RTTN: variants seen among roughly 807,000 people sequenced by gnomAD.
RTTN encodes rotatin.
In RTTN, 182 loss-of-function variants were observed where a neutral mutation model predicts 269.2. The observed-to-expected ratio is 0.68, with a 90% CI of 0.60 to 0.76. The LOEUF (loss-of-function observed/expected upper bound fraction) is 0.76, where lower values mean the gene tolerates loss of function less well. RTTN is among the 30% of genes least tolerant of loss of function. RTTN has a pLI of 0.00. For synonymous variants in RTTN, 1,006 were observed against 963.5 expected (o/e 1.04, Z -0.82); for missense variants, 2,545 against 2,608.6 (o/e 0.98, Z 0.53).
chr18:70,202,595 C>T (rs2061979939), intron 3 of RTTN, among the ~76,000 whole-genome samples: 1 of 152,198 alleles, frequency 6.6e-6, no homozygotes, highest in Admixed American at 6.5e-5. Context: ...ATTAAAAATT[C>T]ACAGTGTAAG....
intron 10 of RTTN, among the ~76,000 whole-genome samples, chr18:70,178,009 A>G (rs1390655870): frequency 6.6e-6 from 1 of 152,258 alleles, no homozygotes; most frequent in Non-Finnish European, 1.5e-5. Flanking sequence ...CACTATTCAC[A>G]ACAGCCAAAA....
At chr18:70,033,081 C>T (rs1254629591) in intron 40 of RTTN, among the ~76,000 whole-genome samples, 1 of 152,168 alleles carries the variant, frequency 6.6e-6, no homozygotes, top group Non-Finnish European at 1.5e-5. Flanking sequence ...TAGCACCGTC[C>T]CTTTGGTTCT....
At chr18:70,095,063 G>GT (rs138632105) in intron 28 of RTTN, among the ~76,000 whole-genome samples, 119,247 of 144,490 alleles carry the variant, frequency 0.83, 51,996 homozygotes, top group East Asian at 1. Context: ...GTAATGCCTT[G>GT]TTTTTTTTTT....
Position 70,030,775 on chromosome 18 carries a change from CG to C in RTTN, c.5647+100del, listed in dbSNP as rs148044924. On this transcript the variant is annotated intron_variant, in intron 41 of 48. Transcript: ENST00000640769. ...TTAGTGACACTGAGATTATACTATA[CG>C]TTTTTTACATTTTGAGTCCAAAGAA... 0.012 allele frequency: 10,077 copies of C among 834,512 alleles called. 85 individuals are homozygous for C. The highest frequency in any genetic ancestry group is 0.016 in the Non-Finnish European group (8,515 of 534,482). 51.7% of individuals were successfully genotyped at this position (834,512 alleles called of 1,614,324 possible). A position where few individuals can be genotyped will look rare whatever the true frequency, so the allele number is the denominator to read the frequency against.
chr18:70,022,926 CA>C lies in RTTN; in HGVS notation c.5950+1795del, dbSNP rs552665017. Among the ~76,000 whole-genome samples, 331 of 152,228 alleles carry C rather than the reference CA, an allele frequency of 2.2e-3. 3 individuals carry two copies. The highest frequency in any genetic ancestry group is 1.5e-3 in the East Asian group (8 of 5,178). On this transcript the variant is annotated intron_variant, in intron 44 of 48. Coordinates refer to ENST00000640769, the MANE Select transcript of RTTN (RefSeq NM_173630.4). ...TCTACACATTCTCCCTGGGTAATCG[CA>C]AACAGCCACGTGGCTTTAAGTACAA...
In RTTN at chr18:70,111,403, G is replaced by A. The variant is rs964257126; in HGVS notation, c.3684-1686C>T. On this transcript the variant is annotated intron_variant, in intron 27 of 48. Coordinates refer to ENST00000640769, the MANE Select transcript of RTTN (RefSeq NM_173630.4). ...TTGCTGTTCTGCAGCCTCCGCTGGC[G>A]ATACCTAGGCAAACAGGGTCGAGAG... is the stretch of plus-strand genomic sequence containing the variant. 2.0e-5 allele frequency among the ~76,000 whole-genome samples: 3 copies of A among 152,126 alleles called. No homozygotes were observed. The East Asian group carries it at 5.8e-4, about 29-fold the overall frequency.
In RTTN at chr18:70,131,853, G is replaced by A. The variant is rs949305458; in HGVS notation, c.2954+2620C>T. The stretch of plus-strand genomic sequence containing the variant: ...TAATAATCTGTATCCAAAAATATTA[G>A]TAATTATAGTAAATGTAAAATGCAT... On this transcript the variant is annotated intron_variant, in intron 23 of 48. Coordinates refer to ENST00000640769, the MANE Select transcript of RTTN (RefSeq NM_173630.4). The A allele has an allele frequency of 2.0e-5, 3 of 151,422 alleles. No individual in the cohort carries two copies. In the South Asian group the frequency reaches 6.2e-4, roughly 31 times the overall value. The allele number at this position is 151,422 out of a possible 1,614,324, so 9.4% of individuals were successfully genotyped here.
At chr18:70,038,338 G>A (rs1046741107) in intron 40 of RTTN, among the ~76,000 whole-genome samples, 1 of 152,188 alleles carries the variant, frequency 6.6e-6, no homozygotes, top group Non-Finnish European at 1.5e-5. Flanking sequence ...GACTAATCCA[G>A]TGCAGTTCCA....
At chr18:70,116,622 A>C (rs2059607977) in intron 26 of RTTN, among the ~76,000 whole-genome samples, 1 of 152,106 alleles carries the variant, frequency 6.6e-6, no homozygotes, top group Admixed American at 6.6e-5. Context: ...ATTCAATCCT[A>C]ATTTTAAACC....
At position 70,196,474 on chromosome 18, in the gene RTTN, G is replaced by A. The variant is rs750419205; in HGVS notation, c.841+27C>T. On this transcript the variant is annotated intron_variant, in intron 7 of 48. Transcript: ENST00000640769. ...AGAAGAATCTACAAATAACACCAGT[G>A]GCTAATGAACAGATAAAAATAAATA... 8 of 1,584,324 alleles carry A rather than the reference G, an allele frequency of 5.0e-6. No homozygotes were observed. In the Admixed American group the frequency reaches 7.3e-5, roughly 14 times the overall value.
intron 32 of RTTN, among the ~76,000 whole-genome samples, chr18:70,076,986 C>A (rs1242839638): frequency 6.6e-6 from 1 of 151,814 alleles, no homozygotes; most frequent in African/African-American, 2.4e-5. Context: ...ACGTACAAAA[C>A]ACGCCAAACA....
Position 70,137,481 on chromosome 18 carries a change from C to G in RTTN, c.2788+2118G>C, listed in dbSNP as rs140235055. 3.9e-3 allele frequency among the ~76,000 whole-genome samples: 591 copies of G among 152,224 alleles called. 4 individuals are homozygous for G. Among genetic ancestry groups the G allele is most frequent in the Non-Finnish European group, 6.4e-3 (432 of 67,998 alleles). ...AAATAATCTTCCTAAAACACATACT[C>G]CCCTGTTTAACAACCTTAAACAGCT... On this transcript the variant is annotated intron_variant, in intron 21 of 48. Coordinates refer to ENST00000640769, the MANE Select transcript of RTTN (RefSeq NM_173630.4).
chr18:70,153,243 T>C (rs1192476118), intron 14 of RTTN, among the ~76,000 whole-genome samples: 1 of 151,926 alleles, frequency 6.6e-6, no homozygotes, highest in African/African-American at 2.4e-5. Flanking sequence ...AAACTATATA[T>C]ATATATACAT....
Position 70,204,220 on chromosome 18 carries a change from T to A in RTTN, c.263A>T (p.Glu88Val). 1 of 1,613,606 alleles carries A rather than the reference T, an allele frequency of 6.2e-7. No homozygotes were observed. Among genetic ancestry groups the A allele is most frequent in the Non-Finnish European group, 8.5e-7 (1 of 1,179,906 alleles). ...ATTAGACCGAAGCTTAGATAAGAAC[T>A]CTACTGCACCAACGTCAACCAAATG... is the stretch of plus-strand genomic sequence containing the variant. ...VQHLVDVGAV[E>V]FLSKLRSNVE... is the part of the protein sequence containing the mutation. The change falls in exon 3 of 49, where the codon GAG becomes GTG. Residue 88 changes from glutamate (E) to valine (V), a missense_variant. Physicochemically the swap from Glu to Val is moderately radical, Grantham distance 121 (BLOSUM62 -2). Coordinates refer to ENST00000640769, the MANE Select transcript of RTTN (RefSeq NM_173630.4).
chr18:70,176,915 G>T, intron 10 of RTTN, 70 bp from the exon 11 acceptor site: 1 of 1,162,512 alleles, frequency 8.6e-7, no homozygotes, highest in Non-Finnish European at 1.2e-6. Flanking sequence ...CAAAAGCCAT[G>T]GAGAACAGTT....
At chr18:70,051,839 T>C (rs543768866) in intron 38 of RTTN, among the ~76,000 whole-genome samples, 1 of 152,294 alleles carries the variant, frequency 6.6e-6, no homozygotes, top group East Asian at 1.9e-4. Context: ...AAACTAAATA[T>C]TAAGCCATGA....
At chr18:70,068,416 T>C (rs963765103) in intron 34 of RTTN, among the ~76,000 whole-genome samples, 1 of 152,186 alleles carries the variant, frequency 6.6e-6, no homozygotes, top group Non-Finnish European at 1.5e-5. Flanking sequence ...AGTCCAGAAC[T>C]GCATTCATGA....
rs535054086 is a variant in RTTN, at chr18:70,011,693, A to G, written c.6422-5209T>C. On this transcript the variant is annotated intron_variant, in intron 46 of 48. Coordinates refer to ENST00000640769, the MANE Select transcript of RTTN (RefSeq NM_173630.4). ...AAAACTGGCACAAGACAAGGATGCCATTTCTTACCACTCCTGTTCAACACA... is the reference window on the plus strand; with the variant it reads ...AAAACTGGCACAAGACAAGGATGCCGTTTCTTACCACTCCTGTTCAACACA... Among the ~76,000 whole-genome samples, 10 of 152,362 alleles carry G rather than the reference A, an allele frequency of 6.6e-5. 1 individual carries two copies. In the South Asian group the frequency reaches 1.9e-3, roughly 28 times the overall value.
Position 70,201,967 on chromosome 18 carries a change from A to T in RTTN, c.414T>A (p.Pro138=), listed in dbSNP as rs780861056. 1 of 1,607,166 alleles carries T rather than the reference A, an allele frequency of 6.2e-7. No homozygotes were observed. Residue 138 remains proline, a synonymous_variant, in exon 4 of 49, where the codon CCT becomes CCA. Coordinates refer to ENST00000640769, the MANE Select transcript of RTTN (RefSeq NM_173630.4). ...GGGGAAAATATCCTGTTAAGATTTC[A>T]GGGTTTTTTGACAATTCTGAAAAGG... The part of the protein sequence containing the change: ...QTNQTELSKN[P]EILTGYFPQD...
Sources: allele counts gnomAD v4.1 joint callset (sites outside exome capture counted in the v4.1 genomes callset), GRCh38; gene constraint gnomAD v4.1.1; transcripts MANE v1.5; gene names NCBI Gene and HGNC (gene_info 2026-07-23, HGNC 2026-07-21).